The following ABL2 variants were observed in gnomAD, a reference collection of about 807,000 sequenced individuals.
ABL2 encodes the protein tyrosine-protein kinase ABL2.
ABL2 carries 49 observed loss-of-function variants against 107.7 expected under a neutral mutation model. The observed-to-expected ratio is 0.45, with a 90% CI of 0.36 to 0.58. The LOEUF (loss-of-function observed/expected upper bound fraction) is 0.58. ABL2 is among the 20% of genes least tolerant of loss of function. The probability of loss-of-function intolerance (pLI) is 0.00; values close to 1 mark genes in which losing one functional copy is unlikely to be tolerated. For missense variants in ABL2, 1,245 were observed against 1,457.0 expected, an observed-to-expected ratio of 0.85 and a Z score of 2.37; for synonymous variants, 549 against 548.6, an observed-to-expected ratio of 1.00 and a Z score of -0.01.
At chr1:179,163,084 A>G (rs1273353368) in intron 1 of ABL2, among the ~76,000 whole-genome samples, 2 of 152,240 alleles carry the variant, frequency 1.3e-5, no homozygotes, top group Non-Finnish European at 2.9e-5. Flanking sequence ...GAGAACTTGA[A>G]CAGACATTTC....
intron 1 of ABL2, among the ~76,000 whole-genome samples, chr1:179,136,084 T>A (rs556068422): frequency 5.1e-5 from 6 of 116,518 alleles, no homozygotes; most frequent in African/African-American, 1.6e-4. Context: ...AGGAGGGAGG[T>A]GGGGGGGGTC....
chr1:179,153,257 C>T (rs1427546360), intron 1 of ABL2, among the ~76,000 whole-genome samples: 1 of 152,080 alleles, frequency 6.6e-6, no homozygotes, highest in African/African-American at 2.4e-5. Flanking sequence ...TAGGTGAAGT[C>T]ATTCACATAC....
At chr1:179,218,925 G>A (rs1201503947) in intron 1 of ABL2, among the ~76,000 whole-genome samples, 4 of 152,100 alleles carry the variant, frequency 2.6e-5, no homozygotes, top group African/African-American at 7.2e-5. Flanking sequence ...TATTTACCTC[G>A]TCCAGAAGAC....
At position 179,170,383 on chromosome 1, in the gene ABL2, A is replaced by C. The variant is rs1273185437; in HGVS notation, c.158-37009T>G. On this transcript the variant is annotated intron_variant, in intron 1 of 11. Transcript: ENST00000502732. ...AACTATGGCAACCTGGTAACAAAGGAAGATTATTTTAGTCATTGTGACCAA... is the reference window on the plus strand; with the variant it reads ...AACTATGGCAACCTGGTAACAAAGGCAGATTATTTTAGTCATTGTGACCAA... 2.0e-5 allele frequency among the ~76,000 whole-genome samples: 3 copies of C among 152,118 alleles called. No individual in the cohort carries two copies. The East Asian group carries it at 5.8e-4, about 29-fold the overall frequency.
intron 1 of ABL2, among the ~76,000 whole-genome samples, chr1:179,174,393 G>A (rs1211990901): frequency 6.6e-6 from 1 of 151,766 alleles, no homozygotes; most frequent in Non-Finnish European, 1.5e-5. Context: ...CAGACCACCT[G>A]AGGTCGGGAG....
intron 1 of ABL2, among the ~76,000 whole-genome samples, chr1:179,228,755 T>A (rs1663373265): frequency 6.6e-6 from 1 of 152,228 alleles, no homozygotes; most frequent in Non-Finnish European, 1.5e-5. Flanking sequence ...CAGTTCACTA[T>A]CCTGACACTG....
At chr1:179,188,493 G>A (rs1038209742) in intron 1 of ABL2, among the ~76,000 whole-genome samples, 1 of 150,722 alleles carries the variant, frequency 6.6e-6, no homozygotes, top group Admixed American at 6.6e-5. Context: ...GTTGCAGTAA[G>A]CCGAGATCAC....
intron 1 of ABL2, among the ~76,000 whole-genome samples, chr1:179,148,766 G>A (rs1658178970): frequency 6.6e-6 from 1 of 151,956 alleles, no homozygotes; most frequent in Non-Finnish European, 1.5e-5. Context: ...TGGGTGTGGT[G>A]GTGCATACCT....
chr1:179,130,943 T>TC (rs1656256684), intron 3 of ABL2, among the ~76,000 whole-genome samples: 2 of 151,134 alleles, frequency 1.3e-5, no homozygotes, highest in Admixed American at 6.6e-5. Flanking sequence ...ATAATTTTTT[T>TC]TTTTTTTTCT....
At chr1:179,125,480 C>A (rs550449902) in intron 4 of ABL2, among the ~76,000 whole-genome samples, 5 of 152,272 alleles carry the variant, frequency 3.3e-5, no homozygotes, top group African/African-American at 1.2e-4. Context: ...AGGTAAATAA[C>A]TAGAACTGCT....
intron 8 of ABL2, chr1:179,116,980 C>A (rs948016899): frequency 1.2e-4 from 36 of 311,866 alleles, no homozygotes; most frequent in African/African-American, 7.3e-4. Context: ...GCTGGGATTA[C>A]TGGCGCATGC....
At chr1:179,130,324 C>G (rs1656165757) in intron 3 of ABL2, among the ~76,000 whole-genome samples, 1 of 152,204 alleles carries the variant, frequency 6.6e-6, no homozygotes, top group Non-Finnish European at 1.5e-5. Context: ...AACTTGACTG[C>G]CTATCTGAGG....
rs556966283 is a variant in ABL2, at chr1:179,142,956, T to C, written c.158-9582A>G. ...ACCTGTTAAGTCGGGTAGAGCAGATTCTGAGGCCTCAGTGCACAGGCAGCA... is the reference window on the plus strand; with the variant it reads ...ACCTGTTAAGTCGGGTAGAGCAGATCCTGAGGCCTCAGTGCACAGGCAGCA... On this transcript the variant is annotated intron_variant, in intron 1 of 11. Transcript: ENST00000502732. The C allele has an allele frequency of 5.0e-6, 8 of 1,614,196 alleles. No homozygotes were observed. The African/African-American group carries it at 5.3e-5, about 11-fold the overall frequency.
rs778062214 is a variant in ABL2 at position 179,118,721 on chromosome 1, G to A, written c.1089C>T (p.Tyr363=). Residue 363 remains tyrosine, a synonymous_variant, in exon 7 of 12, where the codon TAC becomes TAT. Coordinates refer to ENST00000502732, the MANE Select transcript of ABL2 (RefSeq NM_007314.4). ...LEPPFYIVTE[Y]MPYGNLLDYL... is the part of the protein sequence containing the mutation. ...AATCCAGCAAATTCCCGTATGGCATGTATTCAGTCACAATGTAAAATGGTG... is the reference window on the plus strand; with the variant it reads ...AATCCAGCAAATTCCCGTATGGCATATATTCAGTCACAATGTAAAATGGTG... The A allele has an allele frequency of 1.9e-6, 3 of 1,614,118 alleles. No homozygotes were observed. The highest frequency in any genetic ancestry group is 1.7e-6 in the Non-Finnish European group (2 of 1,180,016).
chr1:179,184,414 G>C, intron 1 of ABL2: 2 of 962,582 alleles, frequency 2.1e-6, no homozygotes, highest in Admixed American at 2.2e-5. Context: ...AGCAGGAAGA[G>C]GCAGCATGAG....
At position 179,103,079 on chromosome 1, in the gene ABL2, G is replaced by T. The variant is rs116676084; in HGVS notation, c.*4639C>A. On this transcript the variant is annotated 3_prime_UTR_variant, in exon 12 of 12. Transcript: ENST00000502732. ...AGTGGATAAATGGAGAAGAGTAAGA[G>T]GACCTCATCCTTCTTGAGTCAAGGT... 1.0e-3 allele frequency: 227 copies of T among 221,722 alleles called. 1 individual carries two copies. Among genetic ancestry groups the T allele is most frequent in the African/African-American group, 4.6e-3 (207 of 44,812 alleles). 13.7% of individuals were successfully genotyped at this position (221,722 alleles called of 1,614,324 possible). A position where few individuals can be genotyped will look rare whatever the true frequency, so the allele number is the denominator to read the frequency against.
chr1:179,102,392 C>T lies in ABL2; in HGVS notation c.*5326G>A, dbSNP rs1015731879. The T allele has an allele frequency of 4.6e-5, 10 of 215,244 alleles. No individual in the cohort carries two copies. In the Middle Eastern group the frequency reaches 7.4e-3, roughly 159 times the overall value. 13.3% of individuals were successfully genotyped at this position (215,244 alleles called of 1,614,324 possible). On this transcript the variant is annotated 3_prime_UTR_variant, in exon 12 of 12. Transcript: ENST00000502732. ...TATCTTGACTGTTAAGAGTTGGAGACGTTTCAGAAGTTCTCACATACTCCT... is the reference window on the plus strand; with the variant it reads ...TATCTTGACTGTTAAGAGTTGGAGATGTTTCAGAAGTTCTCACATACTCCT...
intron 1 of ABL2, among the ~76,000 whole-genome samples, chr1:179,220,677 G>T (rs756483144): frequency 6.6e-5 from 10 of 152,226 alleles, no homozygotes; most frequent in Non-Finnish European, 1.5e-4. Flanking sequence ...TTTATAAGCA[G>T]TATATGGCAG....
chr1:179,216,505 A>T (rs1174983558), intron 1 of ABL2, among the ~76,000 whole-genome samples: 1 of 152,218 alleles, frequency 6.6e-6, no homozygotes, highest in African/African-American at 2.4e-5. Context: ...TCTTTTAGAT[A>T]GCAGTTCTGT....
Sources: gnomAD v4.1 joint callset for allele counts (sites outside exome capture counted in the v4.1 genomes callset) on GRCh38, gnomAD v4.1.1 for gene constraint, MANE v1.5 for transcripts, NCBI Gene and HGNC (gene_info 2026-07-23, HGNC 2026-07-21) for gene names.